Variants in AADACL2 observed in about 807,000 individuals in gnomAD.
AADACL2 encodes the protein arylacetamide deacetylase-like 2.
In AADACL2, 23 loss-of-function variants were observed where a neutral mutation model predicts 22.3. That is an observed-to-expected ratio of 1.03 (90% CI 0.74 to 1.46). The LOEUF is 1.46. Among genes scored for constraint, AADACL2 ranks in the 40% most tolerant of loss-of-function variants. The pLI is 0.00. For missense variants in AADACL2, 472 were observed against 482.9 expected, an observed-to-expected ratio of 0.98 and a Z score of 0.21; for synonymous variants, 177 against 166.2, an observed-to-expected ratio of 1.07 and a Z score of -0.50.
At chr3:151,741,016 C>T (rs1019837036) in intron 2 of AADACL2, 148 bp downstream of exon 2, 3 of 612,098 alleles carry the variant, frequency 4.9e-6, no homozygotes, top group East Asian at 2.9e-5. Flanking sequence ...AAATATGAGA[C>T]ATCTAATAAA....
chr3:151,743,039 T>A (rs1289867148), intron 2 of AADACL2, among the ~76,000 whole-genome samples: 1 of 152,140 alleles, frequency 6.6e-6, no homozygotes, highest in Non-Finnish European at 1.5e-5. Flanking sequence ...CCCATTTTCT[T>A]CTGAAGATCT....
chr3:151,746,922 G>C (rs1326186291), intron 4 of AADACL2, among the ~76,000 whole-genome samples: 2 of 105,444 alleles, frequency 1.9e-5, no homozygotes, highest in Non-Finnish European at 4.0e-5. Flanking sequence ...TTTTTTCTTT[G>C]AGATGGAGTT....
At chr3:151,738,004 A>G (rs548228674) in intron 1 of AADACL2, among the ~76,000 whole-genome samples, 1 of 152,292 alleles carries the variant, frequency 6.6e-6, no homozygotes, top group African/African-American at 2.4e-5. Context: ...TCATGATGCT[A>G]GCTAGTTATT....
chr3:151,756,716 C>T lies in AADACL2; in HGVS notation c.604-276C>T, dbSNP rs575396576. 1.2e-4 allele frequency among the ~76,000 whole-genome samples: 17 copies of T among 138,838 alleles called. No homozygotes were observed. The East Asian group carries it at 3.6e-3, about 29-fold the overall frequency. The allele number at this position is 138,838 out of a possible 152,430, so 91.1% of individuals were successfully genotyped here. A position where few individuals can be genotyped will look rare whatever the true frequency, so the allele number is the denominator to read the frequency against. On this transcript the variant is annotated intron_variant, in intron 4 of 4. Coordinates refer to ENST00000356517, the MANE Select transcript of AADACL2 (RefSeq NM_207365.4). ...AAAAAATCCTGTGTATCTCTCTCGCCTTGTACATTCTCTTTCTGTCTCTTT... is the reference window on the plus strand; with the variant it reads ...AAAAAATCCTGTGTATCTCTCTCGCTTTGTACATTCTCTTTCTGTCTCTTT...
rs1338841422 is a variant in AADACL2, at chr3:151,740,868, A to G, written c.361A>G (p.Lys121Glu). 6.2e-7 allele frequency: 1 copy of G among 1,613,676 alleles called. No homozygotes were observed. Among genetic ancestry groups the G allele is most frequent in the African/African-American group, 1.3e-5 (1 of 74,926 alleles). Residue 121 changes from lysine to glutamate, a missense_variant and splice_region_variant, in exon 2 of 5, where the codon AAA becomes GAA. Around this residue, in one of 3 missense-constraint regions of AADACL2, gnomAD observed 356 missense variants for 365.5 expected, o/e 0.97. Coordinates refer to ENST00000356517, the MANE Select transcript of AADACL2 (RefSeq NM_207365.4). ...HGGGFCFGSS[K>E]QRAFDFLNRW... ...TGGTGGTTTTTGTTTTGGAAGTTCC[A>G]GTAAGTTCATTGTATAAGGAAAAAG...
chr3:151,745,444 A>G (rs1713406935), intron 3 of AADACL2, 65 bp from the exon 4 acceptor site: 9 of 1,499,392 alleles, frequency 6.0e-6, no homozygotes, highest in Non-Finnish European at 9.1e-7. Context: ...AATTGCATCT[A>G]TTTGGTATTT....
rs1338637009 is a variant in AADACL2 at position 151,758,696 on chromosome 3, T to A, written c.*1102T>A. 1.3e-5 allele frequency: 2 copies of A among 152,078 alleles called. No homozygotes were observed. The highest frequency in any genetic ancestry group is 2.4e-5 in the African/African-American group (1 of 41,434). The allele number at this position is 152,078 out of a possible 1,614,324, so 9.4% of individuals were successfully genotyped here. A position where few individuals can be genotyped will look rare whatever the true frequency, so the allele number is the denominator to read the frequency against. On this transcript the variant is annotated 3_prime_UTR_variant, in exon 5 of 5. Coordinates refer to ENST00000356517, the MANE Select transcript of AADACL2 (RefSeq NM_207365.4). ...TCTGTAGCCCTTTTGTTGAGTGGAA[T>A]CATAAACAAAAAACTGAAAATTTAT...
At chr3:151,753,778 C>T (rs541955428) in intron 4 of AADACL2, among the ~76,000 whole-genome samples, 1 of 152,146 alleles carries the variant, frequency 6.6e-6, no homozygotes, top group African/African-American at 2.4e-5. Flanking sequence ...TTGGTGTGGG[C>T]ATGCAGGAAT....
chr3:151,751,301 A>C (rs576880756), intron 4 of AADACL2: 1 of 152,306 alleles, frequency 6.6e-6, no homozygotes, highest in East Asian at 1.9e-4. Flanking sequence ...GAGATTCTGA[A>C]AGCTGTCCAA....
chr3:151,757,448 C>T lies in AADACL2; in HGVS notation c.1060C>T (p.Leu354Phe). 6.2e-7 allele frequency: 1 copy of T among 1,613,596 alleles called. No homozygotes were observed. The highest frequency in any genetic ancestry group is 8.5e-7 in the Non-Finnish European group (1 of 1,179,644). Residue 354 changes from leucine (L) to phenylalanine (F), a missense_variant, in exon 5 of 5, where the codon CTT becomes TTT. By Grantham distance (22) the Leu-to-Phe change is conservative (BLOSUM62 0). Coordinates refer to ENST00000356517, the MANE Select transcript of AADACL2 (RefSeq NM_207365.4). ...TGATGGACTTATGTATGTTACAAGACTTCGAAATGTTGGAGTCCAAGTTGT... is the reference window on the plus strand; with the variant it reads ...TGATGGACTTATGTATGTTACAAGATTTCGAAATGTTGGAGTCCAAGTTGT... ...RDDGLMYVTR[L>F]RNVGVQVVHE...
chr3:151,749,399 T>C (rs1713576401), intron 4 of AADACL2, among the ~76,000 whole-genome samples: 1 of 152,196 alleles, frequency 6.6e-6, no homozygotes, highest in Admixed American at 6.5e-5. Flanking sequence ...CCTGCAACTT[T>C]ACTGAATTTA....
In AADACL2 at chr3:151,759,977, G is replaced by C. The variant is rs1714089153; in HGVS notation, c.*2383G>C. 6.6e-6 allele frequency: 1 copy of C among 151,934 alleles called. No individual in the cohort carries two copies. The allele number at this position is 151,934 out of a possible 1,614,324, so 9.4% of individuals were successfully genotyped here. A position where few individuals can be genotyped will look rare whatever the true frequency, so the allele number is the denominator to read the frequency against. ...TTGACAATAATTGTACATATTCATG[G>C]GATACATAGTGACGTTTCAATACAT... On this transcript the variant is annotated 3_prime_UTR_variant, in exon 5 of 5. Transcript: ENST00000356517.
At chr3:151,738,187 C>G (rs1236461541) in intron 1 of AADACL2, among the ~76,000 whole-genome samples, 1 of 151,978 alleles carries the variant, frequency 6.6e-6, no homozygotes, top group South Asian at 2.1e-4. Context: ...TAAGGCAGGC[C>G]TGGTGGTGAC....
chr3:151,745,740 G>A, intron 4 of AADACL2, 60 bp downstream of exon 4: 1 of 1,500,606 alleles, frequency 6.7e-7, no homozygotes, highest in Non-Finnish European at 8.9e-7. Context: ...TTTTTCTATA[G>A]ATAATTCAGT....
chr3:151,747,609 T>G (rs1408320334), intron 4 of AADACL2, among the ~76,000 whole-genome samples: 1 of 137,850 alleles, frequency 7.3e-6, no homozygotes, highest in Non-Finnish European at 1.5e-5. Flanking sequence ...AATATTCCAT[T>G]GTGTGTGTTT....
rs529275468 is a variant in AADACL2, at chr3:151,748,701, T to C, written c.603+3021T>C. ...CATGTGATTTCTTTGCACATGCAGA[T>C]ACCCGGTTCTCTTTCATGAGTTAAA... On this transcript the variant is annotated intron_variant, in intron 4 of 4. Transcript: ENST00000356517. Among the ~76,000 whole-genome samples the C allele has an allele frequency of 4.6e-5, 7 of 152,326 alleles. No individual in the cohort carries two copies. In the East Asian group the frequency reaches 1.4e-3, roughly 29 times the overall value.
chr3:151,743,483 A>G (rs1287002741), intron 2 of AADACL2, among the ~76,000 whole-genome samples: 1 of 152,112 alleles, frequency 6.6e-6, no homozygotes, highest in African/African-American at 2.4e-5. Flanking sequence ...AAGCATGTCA[A>G]AACTCATATG....
intron 2 of AADACL2, among the ~76,000 whole-genome samples, chr3:151,743,220 T>A (rs1713335433): frequency 6.6e-6 from 1 of 152,332 alleles, no homozygotes; most frequent in East Asian, 1.9e-4. Context: ...AGGTTATATA[T>A]ACACCCTGTG....
chr3:151,740,636 G>A lies in AADACL2; in HGVS notation c.139-10G>A, dbSNP rs748250401. The A allele has an allele frequency of 4.9e-5, 74 of 1,525,352 alleles. No homozygotes were observed. Among genetic ancestry groups the A allele is most frequent in the Admixed American group, 2.9e-4 (16 of 55,352 alleles). 94.5% of individuals were successfully genotyped at this position (1,525,352 alleles called of 1,614,324 possible). On this transcript the variant is annotated splice_polypyrimidine_tract_variant and intron_variant, in intron 1 of 4. Coordinates refer to ENST00000356517, the MANE Select transcript of AADACL2 (RefSeq NM_207365.4). The stretch of plus-strand genomic sequence containing the variant: ...CTAAATATTTAATTTTGTTTGTTTT[G>A]TTCTTACAGGCTATGTGTTTTGAAA...
Sources: gnomAD v4.1 joint callset for allele counts (sites outside exome capture counted in the v4.1 genomes callset) on GRCh38, gnomAD v4.1.1 for gene constraint, gnomAD v4.1.1 regional missense constraint, MANE v1.5 for transcripts, NCBI Gene and HGNC (gene_info 2026-07-23, HGNC 2026-07-21) for gene names.